The following GRIK1 variants were observed in gnomAD, a reference collection of about 807,000 sequenced individuals.
The protein encoded by GRIK1 is glutamate ionotropic receptor kainate type subunit 1.
A neutral mutation model predicts 105.7 loss-of-function variants in GRIK1; 69 were observed. That is an observed-to-expected ratio of 0.65 (90% confidence interval 0.54 to 0.80). The LOEUF (loss-of-function observed/expected upper bound fraction) is 0.80, where lower values mean the gene tolerates loss of function less well. GRIK1 is among the 30% of genes least tolerant of loss of function. GRIK1 has a pLI of 0.00. For synonymous variants in GRIK1, 438 were observed against 431.3 expected (o/e 1.02, Z -0.19); for missense variants, 1,109 against 1,167.3 (o/e 0.95, Z 0.73).
At chr21:29,848,239 G>A (rs1481387521) in intron 1 of GRIK1, among the ~76,000 whole-genome samples, 4 of 151,958 alleles carry the variant, frequency 2.6e-5, no homozygotes, top group Non-Finnish European at 5.9e-5. Context: ...TTCTGTCCCC[G>A]CCAATGTACA....
At chr21:29,587,739 A>G (rs935073184) in intron 11 of GRIK1, 150 bp from the exon 12 acceptor site, 2 of 599,110 alleles carry the variant, frequency 3.3e-6, no homozygotes, top group Admixed American at 6.0e-5. Flanking sequence ...AAAAAAAGCC[A>G]ATTTATACAG....
chr21:29,938,024 T>C (rs1000293117), intron 1 of GRIK1, among the ~76,000 whole-genome samples: 2 of 152,232 alleles, frequency 1.3e-5, no homozygotes, highest in African/African-American at 4.8e-5. Context: ...TAAAAGTTAG[T>C]ATTTGATATC....
chr21:29,671,609 C>T (rs1386410857), intron 4 of GRIK1, among the ~76,000 whole-genome samples: 1 of 152,080 alleles, frequency 6.6e-6, no homozygotes. Flanking sequence ...ATTCAAAATT[C>T]CACAGTTCTG....
intron 4 of GRIK1, among the ~76,000 whole-genome samples, chr21:29,660,397 A>T (rs552993482): frequency 1.3e-5 from 2 of 152,324 alleles, no homozygotes; most frequent in South Asian, 4.2e-4. Flanking sequence ...ATACAGGGAA[A>T]GTCTTTGGCT....
intron 1 of GRIK1, among the ~76,000 whole-genome samples, chr21:29,711,473 CAA>C (rs982117975): frequency 2.0e-4 from 31 of 152,024 alleles, no homozygotes; most frequent in African/African-American, 7.2e-4. Context: ...CAGACAATAA[CAA>C]GATAAATATC....
At chr21:29,930,881 G>A (rs976327897) in intron 1 of GRIK1, among the ~76,000 whole-genome samples, 7 of 152,176 alleles carry the variant, frequency 4.6e-5, no homozygotes, top group Admixed American at 1.3e-4. Context: ...TGGAATGAAC[G>A]AGACTTTTTC....
intron 15 of GRIK1, 105 bp from the exon 16 acceptor site, chr21:29,555,407 A>G: frequency 9.6e-7 from 1 of 1,037,874 alleles, no homozygotes; most frequent in Non-Finnish European, 1.4e-6. Flanking sequence ...GGCTGTTGTG[A>G]GACCCCAATC....
intron 1 of GRIK1, among the ~76,000 whole-genome samples, chr21:29,778,741 G>A (rs1374805202): frequency 6.6e-6 from 1 of 152,240 alleles, no homozygotes; most frequent in Non-Finnish European, 1.5e-5. Flanking sequence ...GTCAGTTACT[G>A]GTGGGTGAAT....
intron 1 of GRIK1, among the ~76,000 whole-genome samples, chr21:29,786,130 A>G (rs1236946434): frequency 1.3e-5 from 2 of 152,296 alleles, no homozygotes; most frequent in East Asian, 3.9e-4. Flanking sequence ...CTGGGATTAC[A>G]GGCACACACC....
At chr21:29,939,274 A>G (rs1180357231) in intron 1 of GRIK1, 109 bp downstream of exon 1, 6 of 668,414 alleles carry the variant, frequency 9.0e-6, no homozygotes, top group Non-Finnish European at 1.6e-5. Flanking sequence ...CACCTTCCCC[A>G]GCTCCGGCTC....
intron 1 of GRIK1, among the ~76,000 whole-genome samples, chr21:29,848,779 A>ATATTTT: frequency 0.12 from 9,055 of 77,892 alleles, 829 homozygotes; most frequent in Middle Eastern, 0.15. Flanking sequence ...ATATATATAT[A>ATATTTT]TTTTTTTTTT....
chr21:29,931,554 T>G (rs2146359681), intron 1 of GRIK1, among the ~76,000 whole-genome samples: 1 of 152,344 alleles, frequency 6.6e-6, no homozygotes, highest in East Asian at 1.9e-4. Flanking sequence ...TTCTCCCTAC[T>G]TATTTATTTA....
At chr21:29,707,996 A>T (rs1464921202) in intron 1 of GRIK1, among the ~76,000 whole-genome samples, 1 of 152,148 alleles carries the variant, frequency 6.6e-6, no homozygotes, top group African/African-American at 2.4e-5. Flanking sequence ...ACTTGGAGAG[A>T]GTAAAATGTC....
intron 1 of GRIK1, among the ~76,000 whole-genome samples, chr21:29,844,462 AT>A (rs1162015972): frequency 1.3e-5 from 2 of 152,202 alleles, no homozygotes; most frequent in Non-Finnish European, 2.9e-5. Flanking sequence ...ATTACATTTA[AT>A]TTTAGATGAA....
intron 1 of GRIK1, among the ~76,000 whole-genome samples, chr21:29,855,889 A>G (rs1424461118): frequency 6.6e-6 from 1 of 152,146 alleles, no homozygotes; most frequent in African/African-American, 2.4e-5. Context: ...AAGAATCAAG[A>G]GCAGCTATCT....
Position 29,934,068 on chromosome 21 carries a change from G to A in GRIK1, c.118+5315C>T, listed in dbSNP as rs1012740675. On this transcript the variant is annotated intron_variant, in intron 1 of 17. Coordinates refer to ENST00000327783, the MANE Select transcript of GRIK1 (RefSeq NM_001330994.2). ...AGAGGATTGAGAGATTACCACCACC[G>A]CCATCTCCATCAATCCTTCCTCTAA... is the stretch of plus-strand genomic sequence containing the variant. 5.3e-5 allele frequency among the ~76,000 whole-genome samples: 8 copies of A among 152,180 alleles called. No homozygotes were observed. In the East Asian group the frequency reaches 7.7e-4, roughly 15 times the overall value.
intron 5 of GRIK1, among the ~76,000 whole-genome samples, chr21:29,652,837 G>A (rs2062767498): frequency 6.6e-6 from 1 of 152,214 alleles, no homozygotes; most frequent in Non-Finnish European, 1.5e-5. Flanking sequence ...CTGAAAAGCA[G>A]CAGCTTCAGA....
intron 1 of GRIK1, among the ~76,000 whole-genome samples, chr21:29,751,000 G>A (rs1277682926): frequency 6.6e-6 from 1 of 152,134 alleles, no homozygotes; most frequent in Non-Finnish European, 1.5e-5. Context: ...TACAGTCAAA[G>A]GGGGTTGTTC....
chr21:29,581,353 TGGA>T (rs1422065798), intron 13 of GRIK1, 69 bp downstream of exon 13: 2 of 865,854 alleles, frequency 2.3e-6, no homozygotes, highest in East Asian at 4.8e-5. Context: ...AGCTTCATGG[TGGA>T]GTTTACCAGC....
Sources: allele counts gnomAD v4.1 joint callset (sites outside exome capture counted in the v4.1 genomes callset), GRCh38; gene constraint gnomAD v4.1.1; transcripts MANE v1.5; gene names NCBI Gene and HGNC (gene_info 2026-07-23, HGNC 2026-07-21).